The following KCNIP4 variants were observed in gnomAD, a reference collection of about 807,000 sequenced individuals.
KCNIP4 encodes potassium voltage-gated channel interacting protein 4, also known as Kv channel-interacting protein 4.
KCNIP4 carries 12 observed loss-of-function variants against 34.0 expected under a neutral mutation model. That is an observed-to-expected ratio of 0.35 (90% confidence interval 0.23 to 0.57). The LOEUF (loss-of-function observed/expected upper bound fraction) is 0.57, where lower values mean the gene tolerates loss of function less well. Among genes scored for constraint, KCNIP4 ranks in the 20% least tolerant of loss-of-function variants. The probability of loss-of-function intolerance (pLI) is 0.83; values close to 1 mark genes in which losing one functional copy is unlikely to be tolerated. For missense variants in KCNIP4, 238 were observed against 311.7 expected, an observed-to-expected ratio of 0.76 and a Z score of 1.78; for synonymous variants, 124 against 102.2, an observed-to-expected ratio of 1.21 and a Z score of -1.29.
At chr4:21,385,971 G>T (rs887901991) in intron 1 of KCNIP4, among the ~76,000 whole-genome samples, 1 of 152,184 alleles carries the variant, frequency 6.6e-6, no homozygotes, top group Non-Finnish European at 1.5e-5. Context: ...ACAAACCATG[G>T]GAACTTGATG....
At chr4:20,855,531 T>G (rs1721484013) in intron 2 of KCNIP4, among the ~76,000 whole-genome samples, 1 of 152,146 alleles carries the variant, frequency 6.6e-6, no homozygotes, top group South Asian at 2.1e-4. Flanking sequence ...TGCTGCCTCT[T>G]GCTAACATCT....
intron 1 of KCNIP4, among the ~76,000 whole-genome samples, chr4:21,892,991 G>T (rs966384793): frequency 6.6e-6 from 1 of 152,016 alleles, no homozygotes; most frequent in South Asian, 2.1e-4. Flanking sequence ...ACCCCATTTC[G>T]GTTTTGTTTC....
intron 1 of KCNIP4, among the ~76,000 whole-genome samples, chr4:21,553,435 C>T (rs1267038874): frequency 1.3e-5 from 2 of 152,114 alleles, no homozygotes; most frequent in African/African-American, 4.8e-5. Context: ...TTTTCTACTA[C>T]TAATGCCAAT....
At chr4:21,101,584 G>A (rs1329743366) in intron 1 of KCNIP4, among the ~76,000 whole-genome samples, 1 of 152,136 alleles carries the variant, frequency 6.6e-6, no homozygotes, top group Non-Finnish European at 1.5e-5. Context: ...ATGAGTGGTT[G>A]CATAGTGGTG....
At chr4:20,923,904 AT>A (rs1729654709) in intron 1 of KCNIP4, among the ~76,000 whole-genome samples, 1 of 152,038 alleles carries the variant, frequency 6.6e-6, no homozygotes, top group Non-Finnish European at 1.5e-5. Context: ...ACTCTAATAT[AT>A]TCAGTATATG....
chr4:21,683,660 G>A (rs2109028412), intron 1 of KCNIP4, among the ~76,000 whole-genome samples: 1 of 151,344 alleles, frequency 6.6e-6, no homozygotes, highest in East Asian at 1.9e-4. Context: ...TAGTAGAGAT[G>A]AGGTGGTGAA....
intron 4 of KCNIP4, among the ~76,000 whole-genome samples, chr4:20,750,329 G>T (rs1191789709): frequency 6.6e-6 from 1 of 152,098 alleles, no homozygotes; most frequent in Non-Finnish European, 1.5e-5. Flanking sequence ...CCCACAGGCA[G>T]TAAAGTTGGC....
Position 21,029,271 on chromosome 4 carries a change from C to T in KCNIP4, c.62-146562G>A, listed in dbSNP as rs114100619. ...CCAAGGACACACAGCTGATCAGGGG[C>T]TCTGACTTAATTTTTTTCCCAAACA... On this transcript the variant is annotated intron_variant, in intron 1 of 8. Coordinates refer to ENST00000382152, the MANE Select transcript of KCNIP4 (RefSeq NM_025221.6). Among the ~76,000 whole-genome samples, 674 of 152,218 alleles carry T rather than the reference C, an allele frequency of 4.4e-3. 11 individuals are homozygous for T. The highest frequency in any genetic ancestry group is 0.014 in the Middle Eastern group (4 of 294).
At chr4:21,624,107 C>T (rs575551144) in intron 1 of KCNIP4, among the ~76,000 whole-genome samples, 8 of 152,212 alleles carry the variant, frequency 5.3e-5, no homozygotes, top group African/African-American at 1.4e-4. Flanking sequence ...CAATGAATAG[C>T]GCACAGGACT....
intron 1 of KCNIP4, among the ~76,000 whole-genome samples, chr4:21,348,061 C>G (rs1338846614): frequency 6.6e-6 from 1 of 152,130 alleles, no homozygotes; most frequent in Non-Finnish European, 1.5e-5. Flanking sequence ...TTCATCCACA[C>G]ATAAAGGCCA....
chr4:21,447,000 A>G (rs1728074156), intron 1 of KCNIP4, among the ~76,000 whole-genome samples: 1 of 145,920 alleles, frequency 6.9e-6, no homozygotes, highest in South Asian at 2.2e-4. Flanking sequence ...GTGCATACAG[A>G]AAAAAAAAAA....
chr4:20,956,303 G>A (rs1287617976), intron 1 of KCNIP4, among the ~76,000 whole-genome samples: 2 of 152,158 alleles, frequency 1.3e-5, no homozygotes, highest in Non-Finnish European at 2.9e-5. Context: ...AGGAGATTGA[G>A]ACAATCCTGG....
intron 1 of KCNIP4, among the ~76,000 whole-genome samples, chr4:21,050,184 T>C (rs1742799443): frequency 6.6e-6 from 1 of 152,226 alleles, no homozygotes; most frequent in South Asian, 2.1e-4. Flanking sequence ...AAATATTTAC[T>C]ATTTTTAAGC....
At chr4:21,746,402 T>C (rs1451153005) in intron 1 of KCNIP4, among the ~76,000 whole-genome samples, 2 of 152,142 alleles carry the variant, frequency 1.3e-5, no homozygotes, top group Non-Finnish European at 2.9e-5. Flanking sequence ...ATTTTTCATT[T>C]TCAAACTAGT....
At chr4:21,779,388 TTAA>T (rs914265786) in intron 1 of KCNIP4, among the ~76,000 whole-genome samples, 1 of 152,116 alleles carries the variant, frequency 6.6e-6, no homozygotes, top group Admixed American at 6.6e-5. Context: ...GTGATTGTAA[TTAA>T]TAATAATATA....
At chr4:21,175,123 C>G (rs1004369062) in intron 1 of KCNIP4, among the ~76,000 whole-genome samples, 4 of 122,168 alleles carry the variant, frequency 3.3e-5, no homozygotes, top group Non-Finnish European at 5.3e-5. Context: ...CTTCTTTTTT[C>G]TTAGATAATT....
At chr4:21,589,985 T>C (rs1206847990) in intron 1 of KCNIP4, among the ~76,000 whole-genome samples, 1 of 151,940 alleles carries the variant, frequency 6.6e-6, no homozygotes, top group Admixed American at 6.6e-5. Flanking sequence ...AAAAATAAAA[T>C]TTGGAAGGAG....
chr4:20,970,392 A>G (rs886664913), intron 1 of KCNIP4, among the ~76,000 whole-genome samples: 1 of 152,268 alleles, frequency 6.6e-6, no homozygotes, highest in South Asian at 2.1e-4. Flanking sequence ...AATAATTTTC[A>G]GTGCTTTGAT....
chr4:21,596,608 CA>C (rs1742665617), intron 1 of KCNIP4, among the ~76,000 whole-genome samples: 2 of 152,042 alleles, frequency 1.3e-5, no homozygotes. Context: ...AGAACAAAAA[CA>C]AAGCTTGCCT....
Sources: gnomAD v4.1 joint callset for allele counts (sites outside exome capture counted in the v4.1 genomes callset) on GRCh38, gnomAD v4.1.1 for gene constraint, MANE v1.5 for transcripts, NCBI Gene and HGNC (gene_info 2026-07-23, HGNC 2026-07-21) for gene names.